The following TBCD variants were observed in gnomAD, a reference collection of about 807,000 sequenced individuals.
The protein encoded by TBCD is tubulin-specific chaperone D.
In TBCD, 105 loss-of-function variants were observed where a neutral mutation model predicts 169.3. That is an observed-to-expected ratio of 0.62 (90% CI 0.53 to 0.73). The LOEUF is 0.73. Among genes scored for constraint, TBCD ranks in the 30% least tolerant of loss-of-function variants. TBCD has a pLI of 0.00. For synonymous variants in TBCD, 700 were observed against 643.9 expected (o/e 1.09, Z -1.32); for missense variants, 1,444 against 1,600.1 (o/e 0.90, Z 1.66).
intron 7 of TBCD, among the ~76,000 whole-genome samples, chr17:82,790,524 CCTCCATGGG>C (rs1210548497): frequency 3.9e-5 from 6 of 152,100 alleles, no homozygotes; most frequent in Non-Finnish European, 7.4e-5. Context: ...GGCTCGCCGG[CCTCCATGGG>C]CTCCCCAGGT....
intron 13 of TBCD, among the ~76,000 whole-genome samples, chr17:82,820,806 T>C (rs1006299521): frequency 6.8e-6 from 1 of 147,058 alleles, no homozygotes; most frequent in Non-Finnish European, 1.5e-5. Context: ...CCTATGAGTC[T>C]CTTAGGTTCT....
intron 17 of TBCD, among the ~76,000 whole-genome samples, chr17:82,894,811 T>C (rs111383832): frequency 8.5e-5 from 13 of 152,216 alleles, no homozygotes; most frequent in African/African-American, 3.1e-4. Context: ...ACCCCGTGAA[T>C]ACTAAAAATA....
At chr17:82,863,123 C>T (rs1266848517) in intron 13 of TBCD, among the ~76,000 whole-genome samples, 1 of 152,150 alleles carries the variant, frequency 6.6e-6, no homozygotes, top group Non-Finnish European at 1.5e-5. Context: ...TTCCAGTAGC[C>T]CAGGGACCAA....
At chr17:82,799,420 C>T (rs111537660) in intron 8 of TBCD, among the ~76,000 whole-genome samples, 11,615 of 121,326 alleles carry the variant, frequency 0.096, 1,312 homozygotes, top group African/African-American at 0.28. Context: ...TCTAGCCTGG[C>T]GACAGAGCAA....
chr17:82,894,549 T>C (rs2059355120), intron 17 of TBCD, among the ~76,000 whole-genome samples: 1 of 152,184 alleles, frequency 6.6e-6, no homozygotes, highest in Non-Finnish European at 1.5e-5. Context: ...ATTTTGAAAA[T>C]GTAGCATTTG....
chr17:82,913,713 CT>C (rs1468615065), intron 23 of TBCD: 6 of 152,344 alleles, frequency 3.9e-5, no homozygotes, highest in Admixed American at 3.9e-4. Flanking sequence ...TGCTCTTCTT[CT>C]TGAATGTGTG....
intron 13 of TBCD, among the ~76,000 whole-genome samples, chr17:82,842,779 T>C (rs1179836652): frequency 1.4e-5 from 2 of 147,526 alleles, no homozygotes; most frequent in Non-Finnish European, 3.0e-5. Flanking sequence ...TTTCTTTCTT[T>C]CTTTTTTTTT....
At chr17:82,933,273 C>CTTTTTTTTTT (rs10639851) in intron 34 of TBCD, among the ~76,000 whole-genome samples, 4 of 114,640 alleles carry the variant, frequency 3.5e-5, no homozygotes, top group East Asian at 5.3e-4. Flanking sequence ...TTGGGCCAGT[C>CTTTTTTTTTT]TTTTTTTTTT....
intron 5 of TBCD, 72 bp from the exon 6 acceptor site, chr17:82,772,380 G>C: frequency 6.6e-7 from 1 of 1,521,494 alleles, no homozygotes; most frequent in South Asian, 1.1e-5. Context: ...GGGTGGGACT[G>C]GTGACTGTGT....
intron 38 of TBCD, chr17:82,941,717 G>A (rs1288343692): frequency 1.3e-5 from 7 of 525,622 alleles, no homozygotes; most frequent in Admixed American, 1.1e-4. Context: ...TTGGGGGGCC[G>A]GGGAGTGGGT....
intron 33 of TBCD, among the ~76,000 whole-genome samples, chr17:82,931,079 T>A (rs894607699): frequency 1.3e-5 from 2 of 152,152 alleles, no homozygotes; most frequent in East Asian, 3.9e-4. Context: ...TTTCTAGAAG[T>A]TTCTGGCTTT....
chr17:82,933,824 G>A (rs983423778), intron 34 of TBCD, among the ~76,000 whole-genome samples: 3 of 151,980 alleles, frequency 2.0e-5, no homozygotes, highest in African/African-American at 7.3e-5. Context: ...CATTGGTCAG[G>A]CTGGTCTCGA....
intron 13 of TBCD, chr17:82,830,903 G>A (rs1399626767): frequency 7.4e-6 from 12 of 1,612,732 alleles, no homozygotes; most frequent in Non-Finnish European, 9.3e-6. Flanking sequence ...AAAAAGCTTA[G>A]TAGGAGCTTG....
chr17:82,904,727 T>C (rs2060117452), intron 19 of TBCD, among the ~76,000 whole-genome samples: 1 of 152,318 alleles, frequency 6.6e-6, no homozygotes, highest in Middle Eastern at 3.4e-3. Context: ...GTGACGCCTG[T>C]GTTGAACATC....
Position 82,938,132 on chromosome 17 carries a change from C to T in TBCD, c.3365C>T (p.Pro1122Leu), listed in dbSNP as rs755177846. Reference sequence around the variant, plus strand: ...TGTCTGCTCCTCTGCCACCGTTTCCCGCTGGTGAGTGCCTGCCCCTGCTCA... The same window carrying T: ...TGTCTGCTCCTCTGCCACCGTTTCCTGCTGGTGAGTGCCTGCCCCTGCTCA... The part of the protein sequence containing the change: ...QLCLLLCHRF[P>L]LIRKTTASQV... The change falls in exon 36 of 39, where the codon CCG becomes CTG. Residue 1122 changes from proline to leucine, a missense_variant. Pro to Leu is a moderately conservative substitution (Grantham distance 98, BLOSUM62 -3). Transcript: ENST00000355528. The T allele has an allele frequency of 1.9e-5, 30 of 1,611,758 alleles. No homozygotes were observed. Among genetic ancestry groups the T allele is most frequent in the East Asian group, 1.8e-4 (8 of 44,864 alleles).
intron 6 of TBCD, among the ~76,000 whole-genome samples, chr17:82,779,699 A>G (rs749578116): frequency 6.6e-6 from 1 of 152,160 alleles, no homozygotes; most frequent in Non-Finnish European, 1.5e-5. Context: ...GCGCAGGCCA[A>G]CTAGATGGAT....
At chr17:82,932,436 A>G (rs989749939) in intron 33 of TBCD, among the ~76,000 whole-genome samples, 3 of 152,174 alleles carry the variant, frequency 2.0e-5, no homozygotes, top group African/African-American at 4.8e-5. Flanking sequence ...TGCTGTTTCT[A>G]TCCCTTCCAC....
chr17:82,888,284 A>G (rs111708258), intron 15 of TBCD, among the ~76,000 whole-genome samples: 1 of 152,220 alleles, frequency 6.6e-6, no homozygotes, highest in Non-Finnish European at 1.5e-5. Flanking sequence ...GCTGCTGTGC[A>G]TAGTCAGCCT....
chr17:82,777,041 G>T (rs1193874540), intron 6 of TBCD, among the ~76,000 whole-genome samples: 1 of 152,060 alleles, frequency 6.6e-6, no homozygotes, highest in Non-Finnish European at 1.5e-5. Context: ...ATTGCCCCAG[G>T]TGGTTGTTGG....
Sources: gnomAD v4.1 joint callset for allele counts (sites outside exome capture counted in the v4.1 genomes callset) on GRCh38, gnomAD v4.1.1 for gene constraint, MANE v1.5 for transcripts, NCBI Gene and HGNC (gene_info 2026-07-23, HGNC 2026-07-21) for gene names.